Variants in RBFOX2 observed in about 807,000 individuals in gnomAD.
The protein encoded by RBFOX2 is RNA binding fox-1 homolog 2, also known as RNA binding protein fox-1 homolog 2.
Under a neutral mutation model 49.1 loss-of-function variants are expected in RBFOX2, and 10 were observed. That is an observed-to-expected ratio of 0.20 (90% confidence interval 0.13 to 0.35). RBFOX2 has a LOEUF of 0.35. Among genes scored for constraint, RBFOX2 ranks in the 10% least tolerant of loss-of-function variants. The pLI is 1.00. For synonymous variants in RBFOX2, 183 were observed against 187.4 expected (o/e 0.98, Z 0.19); for missense variants, 323 against 486.9 (o/e 0.66, Z 3.17).
At chr22:35,806,939 G>C (rs1950858289) in intron 2 of RBFOX2, among the ~76,000 whole-genome samples, 1 of 152,144 alleles carries the variant, frequency 6.6e-6, no homozygotes. Context: ...GAGTAGCTGG[G>C]ATTACAGGCG....
chr22:35,896,236 G>A (rs923373903), intron 1 of RBFOX2, among the ~76,000 whole-genome samples: 5 of 152,150 alleles, frequency 3.3e-5, no homozygotes, highest in African/African-American at 1.2e-4. Context: ...CCTCAGTGGA[G>A]ACCTAACATC....
At chr22:36,000,004 T>C (rs1038509611) in intron 1 of RBFOX2, 1 of 103,528 alleles carries the variant, frequency 9.7e-6, no homozygotes, top group Non-Finnish European at 2.0e-5. Context: ...TATATATATA[T>C]ATTTTTTTTT....
At chr22:35,923,267 T>C (rs1004559250) in intron 1 of RBFOX2, among the ~76,000 whole-genome samples, 35 of 152,246 alleles carry the variant, frequency 2.3e-4, no homozygotes, top group African/African-American at 8.2e-4. Context: ...CATTCCTCAC[T>C]GGTTTTCAAA....
chr22:36,008,642 C>T (rs2058704159), intron 1 of RBFOX2, among the ~76,000 whole-genome samples: 1 of 152,008 alleles, frequency 6.6e-6, no homozygotes, highest in Non-Finnish European at 1.5e-5. Flanking sequence ...CACAGTGAAA[C>T]CCCACCTCTA....
intron 1 of RBFOX2, among the ~76,000 whole-genome samples, chr22:35,908,101 T>C (rs2049328492): frequency 2.0e-5 from 3 of 152,182 alleles, no homozygotes. Flanking sequence ...TGATCTACTA[T>C]CCATAACTAT....
At chr22:35,754,904 A>G (rs994494465) in intron 9 of RBFOX2, among the ~76,000 whole-genome samples, 1 of 152,164 alleles carries the variant, frequency 6.6e-6, no homozygotes, top group Non-Finnish European at 1.5e-5. Flanking sequence ...TCCTTCAAGT[A>G]GTTATTAAAT....
At chr22:35,881,030 T>C (rs1027326454) in intron 1 of RBFOX2, among the ~76,000 whole-genome samples, 1 of 151,816 alleles carries the variant, frequency 6.6e-6, no homozygotes. Context: ...TTTGGGAGGC[T>C]GAGGTGGGCG....
At chr22:35,990,766 T>C (rs2057942914) in intron 1 of RBFOX2, among the ~76,000 whole-genome samples, 1 of 152,172 alleles carries the variant, frequency 6.6e-6, no homozygotes, top group South Asian at 2.1e-4. Context: ...AAGTTTTTGT[T>C]CATTTTTTAA....
intron 5 of RBFOX2, 30 bp from the exon 7 acceptor site, chr22:35,765,513 GGAA>G (rs1465190426): frequency 7.1e-7 from 1 of 1,406,180 alleles, no homozygotes; most frequent in East Asian, 2.3e-5. Context: ...AAAAGGGCAG[GGAA>G]GAAGTGGACC....
intron 1 of RBFOX2, chr22:35,999,852 A>G (rs1338006819): frequency 6.6e-6 from 1 of 152,112 alleles, no homozygotes; most frequent in Non-Finnish European, 1.5e-5. Context: ...ACATGTATCC[A>G]AAGACAGAAA....
At chr22:35,905,172 C>T (rs1484589977) in intron 1 of RBFOX2, among the ~76,000 whole-genome samples, 2 of 151,494 alleles carry the variant, frequency 1.3e-5, no homozygotes, top group African/African-American at 4.9e-5. Flanking sequence ...CAAAAATTTA[C>T]AAAGCAAATT....
chr22:35,944,077 A>C (rs1226792566), intron 1 of RBFOX2, among the ~76,000 whole-genome samples: 5 of 152,392 alleles, frequency 3.3e-5, no homozygotes, highest in African/African-American at 1.2e-4. Context: ...TCACTTATTC[A>C]GTAAGAGTGG....
chr22:35,762,945 G>A (rs1265917559), intron 6 of RBFOX2, among the ~76,000 whole-genome samples: 6 of 152,176 alleles, frequency 3.9e-5, no homozygotes, highest in Non-Finnish European at 8.8e-5. Context: ...AAAATGCAAT[G>A]TCTCTTCAAT....
intron 1 of RBFOX2, among the ~76,000 whole-genome samples, chr22:36,023,421 A>C (rs1425129152): frequency 1.3e-5 from 2 of 152,178 alleles, no homozygotes; most frequent in African/African-American, 2.4e-5. Context: ...CACTGACACA[A>C]AGAATTCTGC....
chr22:35,996,180 T>C (rs1283412082), intron 1 of RBFOX2: 1 of 152,164 alleles, frequency 6.6e-6, no homozygotes, highest in African/African-American at 2.4e-5. Flanking sequence ...ACAAAGAAAA[T>C]AATAATTGAT....
Position 35,778,007 on chromosome 22 carries a change from C to T in RBFOX2, c.453+18G>A. ...TCAAAAAGAAATCAAGCACACTTGA[C>T]ACTGAAATGGAGCTTACCTTAGAGC... On this transcript the variant is annotated intron_variant, in intron 4 of 11. Transcript: ENST00000405409. 6.3e-7 allele frequency: 1 copy of T among 1,595,836 alleles called. No homozygotes were observed. The highest frequency in any genetic ancestry group is 8.5e-7 in the Non-Finnish European group (1 of 1,170,090).
exon 2 of RBFOX2, chr22:35,809,983 T>C (rs1039390192): frequency 1.9e-6 from 3 of 1,613,556 alleles, no homozygotes; most frequent in Non-Finnish European, 2.5e-6. Flanking sequence ...GCGTCAGGAG[T>C]TGTTGTCGGC....
chr22:35,985,320 A>T (rs1334225982), intron 1 of RBFOX2, among the ~76,000 whole-genome samples: 1 of 152,196 alleles, frequency 6.6e-6, no homozygotes, highest in Middle Eastern at 3.2e-3. Context: ...GGTTTTCAGC[A>T]AATCTCTTCC....
Position 35,760,764 on chromosome 22 carries a change from C to T in RBFOX2, c.754+438G>A, listed in dbSNP as rs936479138. Among the ~76,000 whole-genome samples the T allele has an allele frequency of 2.6e-5, 4 of 152,200 alleles. 1 individual carries two copies. The highest frequency in any genetic ancestry group is 2.1e-4 in the South Asian group (1 of 4,820). The stretch of plus-strand genomic sequence containing the variant: ...TCCACTGAATCCTGTTTAATTATAC[C>T]TCTTGCTGGAGTAAAATGGCTCAGG... On this transcript the variant is annotated intron_variant, in intron 8 of 11. Coordinates refer to ENST00000405409, the Ensembl canonical transcript of RBFOX2.
Sources: allele counts gnomAD v4.1 joint callset (sites outside exome capture counted in the v4.1 genomes callset), GRCh38; gene constraint gnomAD v4.1.1; transcripts MANE v1.5; gene names NCBI Gene and HGNC (gene_info 2026-07-23, HGNC 2026-07-21).